The following LRRC4C variants were observed in gnomAD, a reference collection of about 807,000 sequenced individuals.
LRRC4C encodes leucine-rich repeat-containing protein 4C.
In LRRC4C, 5 loss-of-function variants were observed where a neutral mutation model predicts 33.6. That is an observed-to-expected ratio of 0.15 (90% CI 0.08 to 0.31). The LOEUF is 0.31. Among genes scored for constraint, LRRC4C ranks in the 10% least tolerant of loss-of-function variants. The probability of loss-of-function intolerance (pLI) is 1.00; values close to 1 mark genes in which losing one functional copy is unlikely to be tolerated. For missense variants in LRRC4C, 560 were observed against 796.7 expected, an observed-to-expected ratio of 0.70 and a Z score of 3.58; for synonymous variants, 329 against 302.0, an observed-to-expected ratio of 1.09 and a Z score of -0.93.
intron 4 of LRRC4C, among the ~76,000 whole-genome samples, chr11:40,275,055 G>T (rs1388155597): frequency 6.6e-6 from 1 of 152,048 alleles, no homozygotes; most frequent in Non-Finnish European, 1.5e-5. Flanking sequence ...ATCTTGCTAA[G>T]CATTGACATT....
chr11:40,892,972 T>A (rs1435222105), intron 2 of LRRC4C, among the ~76,000 whole-genome samples: 1 of 152,154 alleles, frequency 6.6e-6, no homozygotes, highest in Non-Finnish European at 1.5e-5. Context: ...AAAGAAACTA[T>A]CACCCAATCC....
intron 3 of LRRC4C, among the ~76,000 whole-genome samples, chr11:40,619,078 G>T (rs1242312635): frequency 2.6e-5 from 4 of 151,584 alleles, no homozygotes; most frequent in Admixed American, 1.3e-4. Context: ...CTTATTCGTG[G>T]GATCTAAAAT....
intron 1 of LRRC4C, among the ~76,000 whole-genome samples, chr11:40,994,993 G>T (rs1853863971): frequency 1.3e-5 from 2 of 152,092 alleles, no homozygotes; most frequent in African/African-American, 4.8e-5. Context: ...GGCCAGAGGT[G>T]AAATTCAGAG....
intron 1 of LRRC4C, among the ~76,000 whole-genome samples, chr11:41,109,599 G>A (rs563219184): frequency 6.6e-6 from 1 of 152,074 alleles, no homozygotes; most frequent in Admixed American, 6.6e-5. Context: ...TATCTTTTAT[G>A]TTTTCTCTTT....
At chr11:41,131,939 C>G (rs1269825681) in intron 1 of LRRC4C, among the ~76,000 whole-genome samples, 1 of 152,154 alleles carries the variant, frequency 6.6e-6, no homozygotes, top group African/African-American at 2.4e-5. Flanking sequence ...TTCTGGAAAA[C>G]TCATGAATAA....
At chr11:41,030,823 T>C (rs2137814708) in intron 1 of LRRC4C, among the ~76,000 whole-genome samples, 1 of 151,964 alleles carries the variant, frequency 6.6e-6, no homozygotes, top group Admixed American at 6.6e-5. Flanking sequence ...CACATATATA[T>C]ATACACATAC....
At chr11:40,246,802 C>T (rs1323638164) in intron 4 of LRRC4C, among the ~76,000 whole-genome samples, 2 of 151,912 alleles carry the variant, frequency 1.3e-5, no homozygotes, top group Non-Finnish European at 2.9e-5. Flanking sequence ...AAAAAATAAG[C>T]ATTAGAAATA....
Position 40,428,531 on chromosome 11 carries a change from G to T in LRRC4C, c.-269-108810C>A, listed in dbSNP as rs1250021704. Among the ~76,000 whole-genome samples the T allele has an allele frequency of 2.0e-5, 3 of 152,156 alleles. No individual in the cohort carries two copies. The Middle Eastern group carries it at 9.5e-3, about 482-fold the overall frequency. The stretch of plus-strand genomic sequence containing the variant: ...AAGTACTTTATAGAAACTAGCTGCT[G>T]TTTATGTAAGTGTTTCCTGGCATTT... On this transcript the variant is annotated intron_variant, in intron 3 of 6. Transcript: ENST00000528697.
At chr11:41,307,235 G>A (rs1462318781) in intron 1 of LRRC4C, among the ~76,000 whole-genome samples, 3 of 151,834 alleles carry the variant, frequency 2.0e-5, no homozygotes, top group Non-Finnish European at 4.4e-5. Context: ...GATAGTTGGA[G>A]ATTACATATT....
chr11:40,453,748 A>G (rs1333157100), intron 3 of LRRC4C, among the ~76,000 whole-genome samples: 2 of 152,188 alleles, frequency 1.3e-5, no homozygotes, highest in Non-Finnish European at 2.9e-5. Context: ...CATGTTCAGA[A>G]TCAGAAAATC....
intron 1 of LRRC4C, among the ~76,000 whole-genome samples, chr11:41,323,234 C>G (rs535738251): frequency 2.0e-5 from 3 of 152,236 alleles, no homozygotes; most frequent in African/African-American, 7.2e-5. Context: ...AATGTTACAT[C>G]AGTATTGATG....
chr11:40,974,537 A>T (rs1851946958), intron 1 of LRRC4C, among the ~76,000 whole-genome samples: 1 of 152,236 alleles, frequency 6.6e-6, no homozygotes, highest in Non-Finnish European at 1.5e-5. Context: ...AACAATTACA[A>T]ACTCATGCAT....
At chr11:41,031,325 G>A (rs1193347640) in intron 1 of LRRC4C, among the ~76,000 whole-genome samples, 2 of 151,890 alleles carry the variant, frequency 1.3e-5, no homozygotes, top group Non-Finnish European at 2.9e-5. Flanking sequence ...ATTCACTTCT[G>A]TATGACGAGC....
intron 2 of LRRC4C, among the ~76,000 whole-genome samples, chr11:40,774,398 A>T (rs968732931): frequency 2.0e-5 from 3 of 152,108 alleles, no homozygotes; most frequent in Non-Finnish European, 4.4e-5. Context: ...ATTAAGGAGG[A>T]AAGTTTTGAA....
Position 40,727,779 on chromosome 11 carries a change from T to C in LRRC4C, c.-406-79501A>G, listed in dbSNP as rs148221747. On this transcript the variant is annotated intron_variant, in intron 2 of 6. Transcript: ENST00000528697. The stretch of plus-strand genomic sequence containing the variant: ...AGAAGACATACAAGGCTGGGTGCGA[T>C]GACTCACACCTGTAATCCCAGCATT... Among the ~76,000 whole-genome samples, 34 of 152,176 alleles carry C rather than the reference T, an allele frequency of 2.2e-4. No homozygotes were observed. In the East Asian group the frequency reaches 5.4e-3, roughly 24 times the overall value.
intron 1 of LRRC4C, among the ~76,000 whole-genome samples, chr11:41,404,564 C>CACACACACACACACACA (rs375465500): frequency 1.1e-5 from 1 of 94,088 alleles, no homozygotes; most frequent in African/African-American, 4.4e-5. Context: ...ACACACACAC[C>CACACACACACACACACA]CCCCGAGGTT....
At chr11:41,181,800 T>C (rs1034558469) in intron 1 of LRRC4C, among the ~76,000 whole-genome samples, 1 of 152,242 alleles carries the variant, frequency 6.6e-6, no homozygotes, top group Non-Finnish European at 1.5e-5. Flanking sequence ...ATCACTTTGC[T>C]ACTTTCCTAA....
intron 3 of LRRC4C, among the ~76,000 whole-genome samples, chr11:40,500,293 TACACACACACAC>T (rs375005241): frequency 0.01 from 975 of 96,806 alleles, 15 homozygotes; most frequent in African/African-American, 0.031. Flanking sequence ...TATATATATA[TACACACACACAC>T]ACACACACAC....
At chr11:40,479,461 G>T (rs1953426889) in intron 3 of LRRC4C, among the ~76,000 whole-genome samples, 1 of 152,110 alleles carries the variant, frequency 6.6e-6, no homozygotes, top group Admixed American at 6.6e-5. Context: ...GACAATTACA[G>T]ATTATTTTGA....
Sources: allele counts gnomAD v4.1 joint callset (sites outside exome capture counted in the v4.1 genomes callset), GRCh38; gene constraint gnomAD v4.1.1; transcripts MANE v1.5; gene names NCBI Gene and HGNC (gene_info 2026-07-23, HGNC 2026-07-21).